The following CD300LD variants were observed in gnomAD, a reference collection of about 807,000 sequenced individuals.
CD300LD encodes CMRF35-like molecule 5.
Under a neutral mutation model 20.3 loss-of-function variants are expected in CD300LD, and 18 were observed. The observed-to-expected ratio is 0.89, with a 90% CI of 0.61 to 1.32. The LOEUF is 1.32. Ranked by LOEUF, CD300LD falls within the 40% of genes most tolerant of loss-of-function variation. CD300LD has a pLI of 0.00. For synonymous variants in CD300LD, 104 were observed against 90.1 expected (o/e 1.15, Z -0.87); for missense variants, 195 against 226.6 (o/e 0.86, Z 0.90).
rs143784365 is a variant in CD300LD at position 74,588,067 on chromosome 17, C to A, written c.379+444G>T. ...CTTACAGTTATGGAGGCTAAGATGTCCGAGGTTGAGGAGCCACATCTTGTG... is the reference window on the plus strand; with the variant it reads ...CTTACAGTTATGGAGGCTAAGATGTACGAGGTTGAGGAGCCACATCTTGTG... On this transcript the variant is annotated intron_variant, in intron 2 of 3. Coordinates refer to ENST00000375352, the MANE Select transcript of CD300LD (RefSeq NM_001115152.2). Among the ~76,000 whole-genome samples, 1,047 of 152,264 alleles carry A rather than the reference C, an allele frequency of 6.9e-3. 5 individuals are homozygous for A. The highest frequency in any genetic ancestry group is 0.012 in the Non-Finnish European group (792 of 68,012).
At chr17:74,586,538 G>A (rs1362996969) in intron 2 of CD300LD, among the ~76,000 whole-genome samples, 1 of 152,082 alleles carries the variant, frequency 6.6e-6, no homozygotes, top group South Asian at 2.1e-4. Flanking sequence ...GCCTGGACCC[G>A]GGCCCTATAA....
chr17:74,587,295 G>T (rs1747181903), intron 2 of CD300LD, among the ~76,000 whole-genome samples: 2 of 152,152 alleles, frequency 1.3e-5, no homozygotes, highest in Admixed American at 1.3e-4. Flanking sequence ...TTCTTCTTGT[G>T]ACTGGTAGTT....
In CD300LD at chr17:74,579,957, T is replaced by C. The variant is rs1230905292; in HGVS notation, c.*45A>G. On this transcript the variant is annotated 3_prime_UTR_variant, in exon 4 of 4. Transcript: ENST00000375352. ...AGGGCCTTTCGCCCTGGACAGGACG[T>C]CAATGGGCATTGGGACTCTCATCAT... 1.6e-6 allele frequency: 2 copies of C among 1,232,156 alleles called. No homozygotes were observed. The highest frequency in any genetic ancestry group is 2.5e-5 in the South Asian group (2 of 81,346). The allele number at this position is 1,232,156 out of a possible 1,614,324, so 76.3% of individuals were successfully genotyped here.
chr17:74,579,908 A>G lies in CD300LD; in HGVS notation c.*94T>C. 1.4e-6 allele frequency: 1 copy of G among 715,882 alleles called. No individual in the cohort carries two copies. Among genetic ancestry groups the G allele is most frequent in the East Asian group, 2.8e-5 (1 of 35,634 alleles). The allele number at this position is 715,882 out of a possible 1,614,324, so 44.3% of individuals were successfully genotyped here. On this transcript the variant is annotated 3_prime_UTR_variant, in exon 4 of 4. Transcript: ENST00000375352. ...TCTAGAAAGAAAAAAAGAAGAGAAAAGAAAATGTTTTTTCTTCTGTGGGAG... is the reference window on the plus strand; with the variant it reads ...TCTAGAAAGAAAAAAAGAAGAGAAAGGAAAATGTTTTTTCTTCTGTGGGAG...
intron 1 of CD300LD, among the ~76,000 whole-genome samples, chr17:74,591,268 A>AAATAATATTAAT (rs1555650259): frequency 2.8e-5 from 4 of 142,400 alleles, no homozygotes; most frequent in African/African-American, 1.0e-4. Context: ...AAAAAAATAA[A>AAATAATATTAAT]AATAATAATA....
intron 3 of CD300LD, among the ~76,000 whole-genome samples, chr17:74,581,951 AC>A (rs1331850337): frequency 3.9e-5 from 6 of 152,226 alleles, no homozygotes; most frequent in Non-Finnish European, 8.8e-5. Context: ...CAGCCTGAGT[AC>A]CCCCAGAAAA....
intron 2 of CD300LD, among the ~76,000 whole-genome samples, chr17:74,583,489 A>T (rs911643358): frequency 6.6e-6 from 1 of 152,234 alleles, no homozygotes; most frequent in Non-Finnish European, 1.5e-5. Flanking sequence ...TCCAGCCTCC[A>T]GAACTATGAG....
chr17:74,591,262 A>AATAAAAAT (rs1555650248), intron 1 of CD300LD, among the ~76,000 whole-genome samples: 2 of 114,118 alleles, frequency 1.8e-5, no homozygotes, highest in Admixed American at 7.9e-5. Context: ...AAAAAAAAAA[A>AATAAAAAT]AATAAAAATA....
intron 3 of CD300LD, 45 bp downstream of exon 3, chr17:74,582,173 T>G (rs1407589650): frequency 6.6e-7 from 1 of 1,525,796 alleles, no homozygotes; most frequent in Non-Finnish European, 9.0e-7. Context: ...GGAGAGGCCA[T>G]GGGGCCAGGC....
chr17:74,586,750 G>T (rs1320466058), intron 2 of CD300LD, among the ~76,000 whole-genome samples: 1 of 152,108 alleles, frequency 6.6e-6, no homozygotes, highest in Non-Finnish European at 1.5e-5. Context: ...GGATATATGG[G>T]ATTAATTTTG....
intron 1 of CD300LD, among the ~76,000 whole-genome samples, chr17:74,590,250 C>T (rs2030275006): frequency 6.6e-6 from 1 of 152,124 alleles, no homozygotes; most frequent in Admixed American, 6.5e-5. Context: ...TGCCTTTCAC[C>T]TTCCACCATG....
intron 2 of CD300LD, among the ~76,000 whole-genome samples, chr17:74,583,133 T>C (rs148164565): frequency 1.8e-4 from 27 of 151,070 alleles, no homozygotes; most frequent in African/African-American, 6.0e-4. Flanking sequence ...ATAATCCCCA[T>C]GCCCGCCCTC....
At chr17:74,582,340 C>T in intron 2 of CD300LD, 29 bp from the exon 3 acceptor site, 2 of 1,592,278 alleles carry the variant, frequency 1.3e-6, no homozygotes, top group Non-Finnish European at 1.7e-6. Context: ...ACACGGTTCA[C>T]CCCTTCCATG....
At chr17:74,581,323 A>G (rs1598126623) in intron 3 of CD300LD, among the ~76,000 whole-genome samples, 1 of 150,938 alleles carries the variant, frequency 6.6e-6, no homozygotes, top group East Asian at 1.9e-4. Context: ...GAGTAGTTCC[A>G]GGAGGACTGA....
chr17:74,586,926 TC>T, intron 2 of CD300LD, among the ~76,000 whole-genome samples: 1 of 152,252 alleles, frequency 6.6e-6, no homozygotes, highest in South Asian at 2.1e-4. Flanking sequence ...GTTACACCCT[TC>T]TTTACGGAGG....
downstream of CD300LD, chr17:74,579,229 A>C (rs2029979846): frequency 6.6e-6 from 1 of 152,156 alleles, no homozygotes; most frequent in Non-Finnish European, 1.5e-5. Context: ...TTGGCCCATT[A>C]CCAGAGTTTG....
At chr17:74,580,816 A>T (rs1382024851) in intron 3 of CD300LD, among the ~76,000 whole-genome samples, 1 of 151,638 alleles carries the variant, frequency 6.6e-6, no homozygotes, top group African/African-American at 2.4e-5. Flanking sequence ...GTGTAATCCC[A>T]GCACTTTGGG....
intron 2 of CD300LD, among the ~76,000 whole-genome samples, chr17:74,583,024 T>A (rs1479459018): frequency 2.0e-5 from 3 of 152,168 alleles, no homozygotes; most frequent in Admixed American, 6.5e-5. Context: ...AACTGACACA[T>A]AATAAACTGT....
At chr17:74,584,255 C>T (rs936179831) in intron 2 of CD300LD, among the ~76,000 whole-genome samples, 5 of 152,142 alleles carry the variant, frequency 3.3e-5, no homozygotes, top group African/African-American at 9.7e-5. Flanking sequence ...AAACTGCAAA[C>T]TCTTTTCCCA....
Sources: allele counts gnomAD v4.1 joint callset (sites outside exome capture counted in the v4.1 genomes callset), GRCh38; gene constraint gnomAD v4.1.1; transcripts MANE v1.5; gene names NCBI Gene and HGNC (gene_info 2026-07-23, HGNC 2026-07-21).